The following KIAA0586 variants were observed in gnomAD, a reference collection of about 807,000 sequenced individuals.
KIAA0586 encodes KIAA0586.
In KIAA0586, 144 loss-of-function variants were observed where a neutral mutation model predicts 169.8. The ratio of observed to expected loss-of-function variants is 0.85; its 90% confidence interval spans 0.74 to 0.97. The LOEUF (loss-of-function observed/expected upper bound fraction) is 0.97, where lower values mean the gene tolerates loss of function less well. Among genes scored for constraint, KIAA0586 ranks in the 50% least tolerant of loss-of-function variants. The probability of loss-of-function intolerance (pLI) is 0.00; values close to 1 mark genes in which losing one functional copy is unlikely to be tolerated. For missense variants in KIAA0586, 1,854 were observed against 1,823.0 expected (o/e 1.02, Z -0.31); for synonymous variants, 625 against 612.4 (o/e 1.02, Z -0.30).
intron 24 of KIAA0586, among the ~76,000 whole-genome samples, chr14:58,489,173 G>A (rs747415967): frequency 5.4e-5 from 8 of 149,028 alleles, no homozygotes; most frequent in Non-Finnish European, 7.4e-5. Flanking sequence ...GTGGATGTAT[G>A]TTTACCTTTA....
rs955430903 is a variant in KIAA0586, at chr14:58,551,242, G to A, written c.*3310G>A. 4 of 151,814 alleles carry A rather than the reference G, an allele frequency of 2.6e-5. No individual in the cohort carries two copies. Among genetic ancestry groups the A allele is most frequent in the Non-Finnish European group, 4.4e-5 (3 of 67,974 alleles). 9.4% of individuals were successfully genotyped at this position (151,814 alleles called of 1,614,324 possible). A position where few individuals can be genotyped will look rare whatever the true frequency, so the allele number is the denominator to read the frequency against. ...TTCCTCTGTTTTAAATCCTAAATTC[G>A]TTCTTTGTATACTTTAATAGAATCT... On this transcript the variant is annotated 3_prime_UTR_variant, in exon 31 of 31. Coordinates refer to ENST00000652326, the MANE Select transcript of KIAA0586 (RefSeq NM_001329943.3).
At chr14:58,556,814 C>T in the KIAA0586 span, among the ~76,000 whole-genome samples, 6 of 152,202 alleles carry the variant, frequency 3.9e-5, no homozygotes, top group African/African-American at 1.4e-4. Flanking sequence ...GGCTCGATCT[C>T]GGCTCACTGC....
intron 18 of KIAA0586, among the ~76,000 whole-genome samples, chr14:58,473,333 C>T (rs996635852): frequency 6.6e-6 from 1 of 151,998 alleles, no homozygotes; most frequent in Non-Finnish European, 1.5e-5. Flanking sequence ...AGCTGGGGAG[C>T]GGATAAATGC....
chr14:58,497,525 A>C (rs1358672128), intron 26 of KIAA0586, among the ~76,000 whole-genome samples: 1 of 150,592 alleles, frequency 6.6e-6, no homozygotes, highest in Non-Finnish European at 1.5e-5. Flanking sequence ...ACGCCTGGCT[A>C]ATTTTTGTAC....
In KIAA0586 at chr14:58,520,072, G is replaced by A. The variant is rs544050885; in HGVS notation, c.4429+7445G>A. On this transcript the variant is annotated intron_variant, in intron 29 of 30. Transcript: ENST00000652326. ...AGTTGAACAGAGGGTAGGGGCAGCC[G>A]AGAATATGCCCAAGGGTGGGGAAAA... Among the ~76,000 whole-genome samples, 7 of 152,212 alleles carry A rather than the reference G, an allele frequency of 4.6e-5. No homozygotes were observed. The South Asian group carries it at 8.3e-4, about 18-fold the overall frequency.
chr14:58,558,064 G>A, the KIAA0586 span, among the ~76,000 whole-genome samples: 3 of 151,422 alleles, frequency 2.0e-5, no homozygotes, highest in South Asian at 6.3e-4. Flanking sequence ...TGCGTGCCAC[G>A]ATGCCCAGCT....
Position 58,459,948 on chromosome 14 carries a change from G to A in KIAA0586, c.1762G>A (p.Asp588Asn). 2 of 1,532,998 alleles carry A rather than the reference G, an allele frequency of 1.3e-6. No individual in the cohort carries two copies. Among genetic ancestry groups the A allele is most frequent in the South Asian group, 2.4e-5 (2 of 83,954 alleles). The allele number at this position is 1,532,998 out of a possible 1,614,324, so 95.0% of individuals were successfully genotyped here. A position where few individuals can be genotyped will look rare whatever the true frequency, so the allele number is the denominator to read the frequency against. The part of the protein sequence containing the change: ...MTKDIRTNTQ[D>N]KTVNKSVIPR... ...TAAAGATATTAGAACCAACACACAA[G>A]ATAAAACTGTCAACAAATCTGTAAT... Residue 588 changes from aspartate (D) to asparagine (N), a missense_variant, in exon 13 of 31, where the codon GAT (aspartate) becomes AAT (asparagine). Asp to Asn is a conservative substitution (Grantham distance 23). Coordinates refer to ENST00000652326, the MANE Select transcript of KIAA0586 (RefSeq NM_001329943.3).
At chr14:58,536,200 A>G (rs569303630) in intron 29 of KIAA0586, among the ~76,000 whole-genome samples, 154 of 152,244 alleles carry the variant, frequency 1.0e-3, no homozygotes, top group South Asian at 7.5e-3. Context: ...GCATGGATAT[A>G]TTGGTATATT....
chr14:58,498,780 A>C lies in KIAA0586; in HGVS notation c.3991-3A>C. On this transcript the variant is annotated splice_region_variant and splice_polypyrimidine_tract_variant and intron_variant, in intron 26 of 30. Transcript: ENST00000652326. ...TTTTAACAATTGTTTCTGCTTTTTAAAGGACTTGGAAAACAGTGTGGGTGA... is the reference window on the plus strand; with the variant it reads ...TTTTAACAATTGTTTCTGCTTTTTACAGGACTTGGAAAACAGTGTGGGTGA... 1 of 1,581,266 alleles carries C rather than the reference A, an allele frequency of 6.3e-7. No individual in the cohort carries two copies. Among genetic ancestry groups the C allele is most frequent in the Non-Finnish European group, 8.6e-7 (1 of 1,168,242 alleles).
intron 27 of KIAA0586, among the ~76,000 whole-genome samples, chr14:58,507,248 TAAATC>T (rs1194011971): frequency 3.9e-4 from 2 of 5,150 alleles, no homozygotes; most frequent in Non-Finnish European, 9.6e-3. Flanking sequence ...GATTTATATA[TAAATC>T]ATGTATGATT....
intron 29 of KIAA0586, among the ~76,000 whole-genome samples, chr14:58,527,096 A>G (rs918908565): frequency 2.6e-5 from 4 of 152,082 alleles, no homozygotes; most frequent in Non-Finnish European, 5.9e-5. Context: ...AGCGGAAGAA[A>G]GGATATCAGA....
chr14:58,525,576 A>T (rs2045529278), intron 29 of KIAA0586, among the ~76,000 whole-genome samples: 1 of 152,184 alleles, frequency 6.6e-6, no homozygotes, highest in South Asian at 2.1e-4. Context: ...AGACCAGGAG[A>T]TTCCCTCAGG....
intron 20 of KIAA0586, among the ~76,000 whole-genome samples, chr14:58,481,836 CAG>C (rs1372064632): frequency 1.5e-5 from 2 of 132,172 alleles, no homozygotes; most frequent in Non-Finnish European, 3.1e-5. Flanking sequence ...TTGTTTTTGA[CAG>C]AGTCTCACTC....
In KIAA0586 at chr14:58,466,006, T is replaced by A; in HGVS notation, c.2231T>A (p.Leu744Gln). 6.2e-7 allele frequency: 1 copy of A among 1,608,116 alleles called. No individual in the cohort carries two copies. The highest frequency in any genetic ancestry group is 1.1e-5 in the South Asian group (1 of 89,510). Residue 744 changes from leucine (L) to glutamine (Q), a missense_variant, in exon 15 of 31, where the codon CTG becomes CAG. Coordinates refer to ENST00000652326, the MANE Select transcript of KIAA0586 (RefSeq NM_001329943.3). ...TTTTCAGGTACATTGGAAGGTCATCTGATTCCTATGGCAATTCTTTTAGGT... is the reference window on the plus strand; with the variant it reads ...TTTTCAGGTACATTGGAAGGTCATCAGATTCCTATGGCAATTCTTTTAGGT... ...PTFSGTLEGH[L>Q]IPMAILLGQT... is the part of the protein sequence containing the mutation.
intron 4 of KIAA0586, among the ~76,000 whole-genome samples, chr14:58,435,588 C>T (rs1219202455): frequency 6.6e-6 from 1 of 152,300 alleles, no homozygotes; most frequent in Non-Finnish European, 1.5e-5. Flanking sequence ...TCCTATGTAG[C>T]TGTAATTTTG....
At chr14:58,528,466 T>A (rs981404788) in intron 29 of KIAA0586, among the ~76,000 whole-genome samples, 1 of 152,190 alleles carries the variant, frequency 6.6e-6, no homozygotes, top group Non-Finnish European at 1.5e-5. Flanking sequence ...AAAACACTCC[T>A]CAGCAAATGC....
intron 1 of KIAA0586, among the ~76,000 whole-genome samples, chr14:58,428,943 T>C (rs1339471948): frequency 6.6e-6 from 1 of 152,142 alleles, no homozygotes; most frequent in Non-Finnish European, 1.5e-5. Flanking sequence ...TCGCTGCTAA[T>C]TGTGAGGATT....
In KIAA0586 at chr14:58,492,158, T is replaced by C; in HGVS notation, c.3873T>C (p.Pro1291=). 1.3e-6 allele frequency: 2 copies of C among 1,538,764 alleles called. No individual in the cohort carries two copies. Among genetic ancestry groups the C allele is most frequent in the Non-Finnish European group, 1.8e-6 (2 of 1,141,892 alleles). Residue 1291 remains proline, a synonymous_variant, in exon 26 of 31, where the codon CCT becomes CCC. Transcript: ENST00000652326. ...HDAVEMEDDP[P]SEGQVIRMSH... ...GTTTCTTTTAGGAGGATGATCCTCC[T>C]AGTGAAGGGCAAGTGATTAGGATGT... is the stretch of plus-strand genomic sequence containing the variant.
rs112117649 is a variant in KIAA0586 at position 58,550,957 on chromosome 14, G to A, written c.*3025G>A. On this transcript the variant is annotated 3_prime_UTR_variant, in exon 31 of 31. Coordinates refer to ENST00000652326, the MANE Select transcript of KIAA0586 (RefSeq NM_001329943.3). ...TAATCCCAGCACTTTGGGAGGCTGAGGCAGGCAGATCACCCAAGGTTAGGA... is the reference window on the plus strand; with the variant it reads ...TAATCCCAGCACTTTGGGAGGCTGAAGCAGGCAGATCACCCAAGGTTAGGA... The A allele has an allele frequency of 3.2e-3, 481 of 152,512 alleles. 2 individuals carry two copies. The highest frequency in any genetic ancestry group is 5.0e-3 in the Non-Finnish European group (344 of 68,240). 9.4% of individuals were successfully genotyped at this position (152,512 alleles called of 1,614,324 possible). A position where few individuals can be genotyped will look rare whatever the true frequency, so the allele number is the denominator to read the frequency against.
Sources: gnomAD v4.1 joint callset for allele counts (sites outside exome capture counted in the v4.1 genomes callset) on GRCh38, gnomAD v4.1.1 for gene constraint, MANE v1.5 for transcripts, NCBI Gene and HGNC (gene_info 2026-07-23, HGNC 2026-07-21) for gene names.